DPP10: variants seen among roughly 807,000 people sequenced by gnomAD.
The protein encoded by DPP10 is dipeptidyl peptidase like 10.
Under a neutral mutation model 120.9 loss-of-function variants are expected in DPP10, and 33 were observed. The observed-to-expected ratio is 0.27, with a 90% CI of 0.21 to 0.37. The LOEUF (loss-of-function observed/expected upper bound fraction) is 0.37, where lower values mean the gene tolerates loss of function less well. Among genes scored for constraint, DPP10 ranks in the 10% least tolerant of loss-of-function variants. The pLI, the probability that DPP10 is intolerant of heterozygous loss-of-function variation, is 1.00. For synonymous variants in DPP10, 337 were observed against 326.1 expected (o/e 1.03, Z -0.36); for missense variants, 816 against 942.8 (o/e 0.87, Z 1.76).
chr2:114,539,922 T>C (rs1345126467), intron 1 of DPP10, among the ~76,000 whole-genome samples: 1 of 152,180 alleles, frequency 6.6e-6, no homozygotes, highest in East Asian at 1.9e-4. Flanking sequence ...AGCAATATTA[T>C]TATGATAAAG....
In DPP10 at chr2:115,585,982, C is replaced by A. The variant is rs1330538262; in HGVS notation, c.441+60010C>A. ...ATATAATATAGTTTATGTAACTTGT[C>A]CTTTTTGATATGTATTTGGAGGTGT... is the stretch of plus-strand genomic sequence containing the variant. On this transcript the variant is annotated intron_variant, in intron 5 of 25. Coordinates refer to ENST00000410059, the MANE Select transcript of DPP10 (RefSeq NM_020868.6). 4.6e-5 allele frequency among the ~76,000 whole-genome samples: 7 copies of A among 152,210 alleles called. No homozygotes were observed. In the East Asian group the frequency reaches 1.4e-3, roughly 29 times the overall value.
intron 1 of DPP10, among the ~76,000 whole-genome samples, chr2:114,445,534 C>CTGTGTGTGTGTGTGTGTG (rs145248880): frequency 7.0e-6 from 1 of 143,520 alleles, no homozygotes; most frequent in Non-Finnish European, 1.5e-5. Flanking sequence ...AAAAACAGCT[C>CTGTGTGTGTGTGTGTGTG]TGTGTGTGTG....
chr2:115,601,110 C>A (rs1433223503), intron 5 of DPP10, among the ~76,000 whole-genome samples: 8 of 152,142 alleles, frequency 5.3e-5, no homozygotes, highest in Non-Finnish European at 2.9e-5. Context: ...GCCCAGTTAC[C>A]TACTTCTTAA....
intron 12 of DPP10, among the ~76,000 whole-genome samples, chr2:115,763,748 C>T (rs1306903400): frequency 6.6e-6 from 1 of 152,098 alleles, no homozygotes; most frequent in East Asian, 1.9e-4. Flanking sequence ...CTAACATTCC[C>T]CTCATACTTG....
At chr2:114,805,862 T>C (rs2106302424) in intron 1 of DPP10, among the ~76,000 whole-genome samples, 1 of 149,866 alleles carries the variant, frequency 6.7e-6, no homozygotes, top group South Asian at 2.1e-4. Context: ...ATAATTATCA[T>C]ATGACCCCAC....
chr2:115,781,123 T>C (rs1360386235), intron 16 of DPP10, 128 bp downstream of exon 16: 1 of 645,596 alleles, frequency 1.5e-6, no homozygotes, highest in Non-Finnish European at 2.4e-6. Context: ...GTTAATAGGA[T>C]ATACATTATA....
chr2:114,958,394 C>G (rs538736558), intron 1 of DPP10, among the ~76,000 whole-genome samples: 1 of 152,018 alleles, frequency 6.6e-6, no homozygotes, highest in South Asian at 2.1e-4. Context: ...CCTTCTCAGG[C>G]CATATTTAGC....
intron 1 of DPP10, among the ~76,000 whole-genome samples, chr2:115,253,867 C>T (rs1365296140): frequency 6.6e-6 from 1 of 152,200 alleles, no homozygotes. Context: ...CTTCACTAGG[C>T]AATGCCACAG....
At chr2:114,712,094 C>A (rs538480967) in intron 1 of DPP10, among the ~76,000 whole-genome samples, 1 of 151,910 alleles carries the variant, frequency 6.6e-6, no homozygotes, top group East Asian at 1.9e-4. Flanking sequence ...CCAAGGTGGG[C>A]GGATCACCTG....
intron 5 of DPP10, among the ~76,000 whole-genome samples, chr2:115,646,202 T>C (rs929268465): frequency 5.3e-5 from 8 of 152,150 alleles, no homozygotes; most frequent in Admixed American, 4.6e-4. Context: ...TATGTCACCA[T>C]ATTACTGCAC....
chr2:114,688,892 G>A (rs1174236401), intron 1 of DPP10, among the ~76,000 whole-genome samples: 1 of 151,600 alleles, frequency 6.6e-6, no homozygotes, highest in African/African-American at 2.4e-5. Context: ...TTTTTACATG[G>A]TTAACAGTGA....
At chr2:115,554,074 A>G (rs1483931990) in intron 5 of DPP10, among the ~76,000 whole-genome samples, 1 of 150,744 alleles carries the variant, frequency 6.6e-6, no homozygotes, top group African/African-American at 2.4e-5. Context: ...GCCCATAATC[A>G]CTGAAAAACC....
intron 1 of DPP10, among the ~76,000 whole-genome samples, chr2:114,723,135 C>T (rs1701816563): frequency 6.6e-6 from 1 of 152,120 alleles, no homozygotes; most frequent in Non-Finnish European, 1.5e-5. Context: ...TGGCTTCTCA[C>T]ATTTGGGTGA....
At chr2:115,168,594 G>A (rs538727905) in intron 1 of DPP10, among the ~76,000 whole-genome samples, 1 of 152,076 alleles carries the variant, frequency 6.6e-6, no homozygotes, top group African/African-American at 2.4e-5. Context: ...CTGTTTATTT[G>A]TCCCTATCTA....
chr2:114,521,920 G>A (rs1341651304), intron 1 of DPP10, among the ~76,000 whole-genome samples: 1 of 145,112 alleles, frequency 6.9e-6, no homozygotes, highest in Non-Finnish European at 1.5e-5. Context: ...CCATTCTCCT[G>A]CCTCAGCCTC....
intron 1 of DPP10, among the ~76,000 whole-genome samples, chr2:114,687,440 A>G (rs1004479501): frequency 6.6e-6 from 1 of 151,976 alleles, no homozygotes; most frequent in Non-Finnish European, 1.5e-5. Flanking sequence ...CCTAATTTGG[A>G]TGTTTTTATG....
rs184155068 is a variant in DPP10, at chr2:114,805,954, A to G, written c.60+363116A>G. 5.0e-3 allele frequency among the ~76,000 whole-genome samples: 768 copies of G among 152,298 alleles called. 2 individuals are homozygous for G. The highest frequency in any genetic ancestry group is 0.018 in the African/African-American group (740 of 41,572). ...AAACTGGAGACTTTTGGTGGACACA[A>G]CAATCTCTTTGTGAAAGGGCTCAAA... On this transcript the variant is annotated intron_variant, in intron 1 of 25. Coordinates refer to ENST00000410059, the MANE Select transcript of DPP10 (RefSeq NM_020868.6).
chr2:115,538,107 A>T (rs2078971066), intron 5 of DPP10, among the ~76,000 whole-genome samples: 1 of 152,084 alleles, frequency 6.6e-6, no homozygotes, highest in Non-Finnish European at 1.5e-5. Flanking sequence ...CTGTGATTAC[A>T]GGTGGGAAGG....
At chr2:115,668,495 C>G (rs1462208374) in intron 5 of DPP10, among the ~76,000 whole-genome samples, 1 of 151,986 alleles carries the variant, frequency 6.6e-6, no homozygotes, top group Non-Finnish European at 1.5e-5. Context: ...GGAGCATGAG[C>G]CAAATAAACT....
Sources: allele counts gnomAD v4.1 joint callset (sites outside exome capture counted in the v4.1 genomes callset), GRCh38; gene constraint gnomAD v4.1.1; transcripts MANE v1.5; gene names NCBI Gene and HGNC (gene_info 2026-07-23, HGNC 2026-07-21).